HTN1: variants seen among roughly 807,000 people sequenced by gnomAD.
The protein encoded by HTN1 is histatin 1.
A neutral mutation model predicts 11.2 loss-of-function variants in HTN1; 18 were observed. That is an observed-to-expected ratio of 1.61 (90% CI 1.12 to 2.39). The LOEUF is 2.39. Among genes scored for constraint, HTN1 ranks in the 30% most tolerant of loss-of-function variants. The probability of loss-of-function intolerance (pLI) is 0.00; values close to 1 mark genes in which losing one functional copy is unlikely to be tolerated. For synonymous variants in HTN1, 21 were observed against 20.5 expected (o/e 1.02, Z -0.07); for missense variants, 80 against 67.2 (o/e 1.19, Z -0.67).
At chr4:70,051,058 C>A (rs1725878947) in intron 1 of HTN1, among the ~76,000 whole-genome samples, 1 of 152,002 alleles carries the variant, frequency 6.6e-6, no homozygotes. Flanking sequence ...GATGGTGGGA[C>A]CTCAATTAAC....
At chr4:70,051,425 TG>T (rs1344257166) in intron 1 of HTN1, among the ~76,000 whole-genome samples, 7 of 152,144 alleles carry the variant, frequency 4.6e-5, no homozygotes, top group Non-Finnish European at 7.4e-5. Context: ...ATGTGTTACT[TG>T]GGAAATATGT....
intron 1 of HTN1, among the ~76,000 whole-genome samples, chr4:70,051,873 T>C (rs1725902186): frequency 6.6e-6 from 1 of 152,228 alleles, no homozygotes; most frequent in Admixed American, 6.5e-5. Flanking sequence ...AGAAAAAAAT[T>C]TTTAAATTAC....
At chr4:70,052,927 T>C (rs1212046378) in intron 1 of HTN1, 137 bp from the exon 2 acceptor site, 5 of 645,046 alleles carry the variant, frequency 7.8e-6, no homozygotes, top group Non-Finnish European at 1.4e-5. Flanking sequence ...CAGTGATCTG[T>C]GCTCATGCCC....
intron 4 of HTN1, 122 bp from the exon 5 acceptor site, chr4:70,055,376 A>G (rs762725571): frequency 8.4e-5 from 59 of 703,358 alleles, no homozygotes; most frequent in Non-Finnish European, 1.4e-4. Context: ...ACATTTATGT[A>G]GATAAAATAC....
intron 4 of HTN1, among the ~76,000 whole-genome samples, chr4:70,055,015 T>A (rs1268306465): frequency 6.6e-6 from 1 of 151,890 alleles, no homozygotes; most frequent in Non-Finnish European, 1.5e-5. Flanking sequence ...AAGCACCAAG[T>A]AAAAAGATGC....
chr4:70,058,270 A>G (rs1180523410), intron 5 of HTN1: 1 of 152,152 alleles, frequency 6.6e-6, no homozygotes, highest in African/African-American at 2.4e-5. Context: ...GGATATATTT[A>G]AAATATTATT....
intron 5 of HTN1, chr4:70,057,945 G>A (rs148291945): frequency 6.6e-6 from 1 of 152,146 alleles, no homozygotes; most frequent in Non-Finnish European, 1.5e-5. Flanking sequence ...CAAGGAGATG[G>A]GAATTTTCAA....
At chr4:70,051,884 C>T (rs1295631105) in intron 1 of HTN1, among the ~76,000 whole-genome samples, 1 of 151,968 alleles carries the variant, frequency 6.6e-6, no homozygotes, top group Non-Finnish European at 1.5e-5. Flanking sequence ...TTTAAATTAC[C>T]TATTAATGAA....
Position 70,054,360 on chromosome 4 carries a change from A to G in HTN1, c.72+18A>G. The stretch of plus-strand genomic sequence containing the variant: ...ATGAAAAGGTAAGACATTTTCATTT[A>G]CGGGAAAACTTGATAAATAAACATA... On this transcript the variant is annotated intron_variant, in intron 3 of 5. Coordinates refer to ENST00000246896, the MANE Select transcript of HTN1 (RefSeq NM_002159.4). The G allele has an allele frequency of 2.6e-6, 4 of 1,545,532 alleles. No homozygotes were observed. The highest frequency in any genetic ancestry group is 3.5e-6 in the Non-Finnish European group (4 of 1,135,384).
At chr4:70,053,358 A>T (rs546571365) in intron 2 of HTN1, among the ~76,000 whole-genome samples, 1 of 152,264 alleles carries the variant, frequency 6.6e-6, no homozygotes, top group African/African-American at 2.4e-5. Context: ...TTGAATGTAA[A>T]AGTAAAAGAA....
intron 2 of HTN1, among the ~76,000 whole-genome samples, chr4:70,053,816 T>A (rs1725960188): frequency 6.6e-6 from 1 of 152,060 alleles, no homozygotes; most frequent in African/African-American, 2.4e-5. Context: ...CTCCAAACTA[T>A]CCACTAAATT....
chr4:70,056,216 G>A (rs1166190230), intron 5 of HTN1: 1 of 151,962 alleles, frequency 6.6e-6, no homozygotes, highest in Non-Finnish European at 1.5e-5. Context: ...TTGTGAATGG[G>A]AGTTCATTCA....
chr4:70,051,584 AT>A (rs1725894876), intron 1 of HTN1, among the ~76,000 whole-genome samples: 1 of 152,142 alleles, frequency 6.6e-6, no homozygotes. Context: ...TAAAATTCTC[AT>A]GCCTTTTGTA....
At position 70,054,209 on chromosome 4, in the gene HTN1, A is replaced by C. The variant is rs59738836; in HGVS notation, c.52-113A>C. 6.7e-3 allele frequency: 4,351 copies of C among 654,244 alleles called. 140 individuals carry two copies. In the African/African-American group the frequency reaches 0.073, roughly 11 times the overall value. 40.5% of individuals were successfully genotyped at this position (654,244 alleles called of 1,614,324 possible). A position where few individuals can be genotyped will look rare whatever the true frequency, so the allele number is the denominator to read the frequency against. ...TAACTAATTTAGTCTGTCATCAACC[A>C]AAGAATGCCTCCATTCTGTTTAATC... On this transcript the variant is annotated intron_variant, in intron 2 of 5. Coordinates refer to ENST00000246896, the MANE Select transcript of HTN1 (RefSeq NM_002159.4).
intron 4 of HTN1, among the ~76,000 whole-genome samples, chr4:70,055,137 G>A (rs1477356674): frequency 6.6e-6 from 1 of 151,978 alleles, no homozygotes; most frequent in Admixed American, 6.6e-5. Context: ...CACCACCTAA[G>A]TTGGAAACAG....
At chr4:70,054,633 A>C (rs1725988152) in intron 4 of HTN1, among the ~76,000 whole-genome samples, 183 bp downstream of exon 4, 1 of 152,068 alleles carries the variant, frequency 6.6e-6, no homozygotes, top group Non-Finnish European at 1.5e-5. Context: ...TCCTAAAAGC[A>C]TTTCAACAGA....
Position 70,055,536 on chromosome 4 carries a change from G to T in HTN1, c.141G>T (p.Gly47=). 6.3e-7 allele frequency: 1 copy of T among 1,598,124 alleles called. No individual in the cohort carries two copies. The highest frequency in any genetic ancestry group is 8.6e-7 in the Non-Finnish European group (1 of 1,166,380). The change falls in exon 5 of 6, where the codon GGG becomes GGT. Residue 47 remains glycine (G), a synonymous_variant. Transcript: ENST00000246896. ...HHSHREFPFY[G]DYGSNYLYDN is the part of the protein sequence containing the mutation. The stretch of plus-strand genomic sequence containing the variant: ...CACATCGAGAATTTCCATTTTATGG[G>T]GACTATGGATCAAATTATCTATATG...
At chr4:70,052,867 C>T in intron 1 of HTN1, 197 bp from the exon 2 acceptor site, 1 of 473,872 alleles carries the variant, frequency 2.1e-6, no homozygotes, top group Non-Finnish European at 3.9e-6. Flanking sequence ...ACAAGTGGGA[C>T]TAGGGAGGCT....
intron 5 of HTN1, chr4:70,058,035 A>G (rs1363164150): frequency 1.3e-5 from 2 of 152,218 alleles, no homozygotes; most frequent in Non-Finnish European, 2.9e-5. Flanking sequence ...ATGTTCCAAA[A>G]TCTATGAGAT....
Sources: allele counts gnomAD v4.1 joint callset (sites outside exome capture counted in the v4.1 genomes callset), GRCh38; gene constraint gnomAD v4.1.1; transcripts MANE v1.5; gene names NCBI Gene and HGNC (gene_info 2026-07-23, HGNC 2026-07-21).